The following FARP1 variants were observed in gnomAD, a reference collection of about 807,000 sequenced individuals.
FARP1 encodes the protein FERM, ARH/RhoGEF and pleckstrin domain protein 1, also known as FERM, ARHGEF and pleckstrin domain-containing protein 1.
Under a neutral mutation model 128.8 loss-of-function variants are expected in FARP1, and 52 were observed. That is an observed-to-expected ratio of 0.40 (90% confidence interval 0.32 to 0.51). FARP1 has a LOEUF of 0.51. Among genes scored for constraint, FARP1 ranks in the 20% least tolerant of loss-of-function variants. FARP1 has a pLI of 0.45. For synonymous variants in FARP1, 580 were observed against 551.8 expected, an observed-to-expected ratio of 1.05 and a Z score of -0.72; for missense variants, 1,333 against 1,367.9, an observed-to-expected ratio of 0.97 and a Z score of 0.40.
intron 2 of FARP1, among the ~76,000 whole-genome samples, chr13:98,255,727 AC>A (rs1342148876): frequency 1.3e-5 from 2 of 152,196 alleles, no homozygotes; most frequent in African/African-American, 4.8e-5. Context: ...CTAAGATCAT[AC>A]CTTCAACTTT....
intron 24 of FARP1, among the ~76,000 whole-genome samples, chr13:98,441,795 G>A (rs2139128207): frequency 6.6e-6 from 1 of 152,300 alleles, no homozygotes; most frequent in East Asian, 1.9e-4. Context: ...GAGGAAAGGG[G>A]CGAGGCAGGA....
At chr13:98,448,138 G>A (rs554602895) in intron 26 of FARP1, 98 bp from the exon 27 acceptor site, 27 of 992,322 alleles carry the variant, frequency 2.7e-5, no homozygotes, top group African/African-American at 1.3e-4. Context: ...CCAACCAGGC[G>A]GCCTGACTTC....
rs1876301018 is a variant in FARP1 at position 98,153,764 on chromosome 13, A to G, written c.-24+10272A>G. 2.0e-5 allele frequency among the ~76,000 whole-genome samples: 3 copies of G among 151,274 alleles called. No homozygotes were observed. The Admixed American group carries it at 2.0e-4, about 10-fold the overall frequency. The stretch of plus-strand genomic sequence containing the variant: ...TTTTTAGTAGAGACGGGCTTTCATC[A>G]TGTTGGCCAGGCTGGTTTCAACTCC... On this transcript the variant is annotated intron_variant, in intron 1 of 26. Coordinates refer to ENST00000319562, the MANE Select transcript of FARP1 (RefSeq NM_005766.4).
intron 2 of FARP1, among the ~76,000 whole-genome samples, chr13:98,225,954 T>A (rs1335193058): frequency 2.6e-5 from 4 of 152,190 alleles, no homozygotes; most frequent in Non-Finnish European, 5.9e-5. Context: ...TGGTTGGAAG[T>A]CCCTGCTGGC....
At chr13:98,439,253 C>A in intron 21 of FARP1, 57 bp downstream of exon 21, 1 of 1,199,044 alleles carries the variant, frequency 8.3e-7, no homozygotes, top group Non-Finnish European at 1.2e-6. Context: ...CAGGTGCGGG[C>A]GCTGCTGACC....
chr13:98,447,008 TC>T, intron 26 of FARP1, 191 bp downstream of exon 26: 1 of 596,882 alleles, frequency 1.7e-6, no homozygotes, highest in South Asian at 2.0e-5. Flanking sequence ...GGTCCCAACT[TC>T]CCTGCGCCCT....
intron 5 of FARP1, among the ~76,000 whole-genome samples, chr13:98,369,110 A>G (rs1889221715): frequency 6.6e-6 from 1 of 151,958 alleles, no homozygotes; most frequent in Non-Finnish European, 1.5e-5. Context: ...TTTTTAGTAG[A>G]GACAGCATTT....
intron 2 of FARP1, among the ~76,000 whole-genome samples, chr13:98,339,149 A>G (rs1282493096): frequency 6.6e-6 from 1 of 152,228 alleles, no homozygotes; most frequent in Non-Finnish European, 1.5e-5. Context: ...AGTGCTATAA[A>G]GAACCACCTG....
At chr13:98,177,699 T>C (rs1878195543) in intron 1 of FARP1, 2 of 142,662 alleles carry the variant, frequency 1.4e-5, no homozygotes, top group African/African-American at 5.1e-5. Flanking sequence ...CTTCCCTCCC[T>C]TGACCTGCCT....
At chr13:98,447,017 C>T (rs1892888208) in intron 26 of FARP1, 200 bp downstream of exon 26, 2 of 576,338 alleles carry the variant, frequency 3.5e-6, no homozygotes, top group Non-Finnish European at 6.2e-6. Flanking sequence ...TTCCCTGCGC[C>T]CTTACCCTGC....
At chr13:98,308,730 G>A (rs754377967) in intron 2 of FARP1, among the ~76,000 whole-genome samples, 6 of 152,146 alleles carry the variant, frequency 3.9e-5, no homozygotes, top group East Asian at 1.9e-4. Flanking sequence ...GTGCAGAGGC[G>A]CAGTCTTGGC....
Position 98,232,069 on chromosome 13 carries a change from A to G in FARP1, c.171+18656A>G, listed in dbSNP as rs189643675. Among the ~76,000 whole-genome samples, 93 of 148,638 alleles carry G rather than the reference A, an allele frequency of 6.3e-4. 1 individual carries two copies. The East Asian group carries it at 0.018, about 29-fold the overall frequency. On this transcript the variant is annotated intron_variant, in intron 2 of 26. Coordinates refer to ENST00000319562, the MANE Select transcript of FARP1 (RefSeq NM_005766.4). ...GGTCTTGAACTTCTGACCTCAGGCG[A>G]TCTGCCCACTTTGGCCTCCCAAAGT...
intron 2 of FARP1, chr13:98,244,861 C>G: frequency 6.9e-7 from 1 of 1,444,150 alleles, no homozygotes; most frequent in South Asian, 1.5e-5. Context: ...ATCTCAGATA[C>G]GTGAAGCTGC....
intron 16 of FARP1, among the ~76,000 whole-genome samples, chr13:98,423,235 C>T (rs528059838): frequency 2.6e-5 from 4 of 152,320 alleles, no homozygotes; most frequent in Admixed American, 2.0e-4. Flanking sequence ...CTTTTGGCAA[C>T]ACCATCACAG....
At chr13:98,295,633 G>A (rs1444280944) in intron 2 of FARP1, among the ~76,000 whole-genome samples, 1 of 152,118 alleles carries the variant, frequency 6.6e-6, no homozygotes, top group Non-Finnish European at 1.5e-5. Flanking sequence ...GTTCCATAAA[G>A]CATCACCATC....
chr13:98,202,165 G>A (rs553220374), intron 1 of FARP1, among the ~76,000 whole-genome samples: 36 of 152,302 alleles, frequency 2.4e-4, no homozygotes, highest in African/African-American at 7.9e-4. Flanking sequence ...AGCCTCCCCT[G>A]GGGCCAGCTC....
At position 98,446,661 on chromosome 13, in the gene FARP1, T is replaced by TC; in HGVS notation, c.2905-3dup. ...AAGCCACTTTGCTTTGTTTCCCCTT[T>TC]CCAGGACAATCATCCCCTTGCCAGC... On this transcript the variant is annotated splice_region_variant and splice_polypyrimidine_tract_variant and intron_variant, in intron 25 of 26. Transcript: ENST00000319562. 6.2e-7 allele frequency: 1 copy of TC among 1,613,970 alleles called. No homozygotes were observed. Among genetic ancestry groups the TC allele is most frequent in the South Asian group, 1.1e-5 (1 of 91,068 alleles).
At chr13:98,209,209 C>T (rs953367503) in intron 1 of FARP1, among the ~76,000 whole-genome samples, 13 of 152,100 alleles carry the variant, frequency 8.5e-5, no homozygotes, top group African/African-American at 2.4e-4. Flanking sequence ...AGGGTTTCGC[C>T]GTGTTGTCCA....
chr13:98,293,786 G>A (rs572943884), intron 2 of FARP1, among the ~76,000 whole-genome samples: 19 of 152,312 alleles, frequency 1.2e-4, no homozygotes, highest in Middle Eastern at 3.4e-3. Flanking sequence ...AGTGGAGAGG[G>A]TGCGGCCTCC....
Sources: gnomAD v4.1 joint callset for allele counts (sites outside exome capture counted in the v4.1 genomes callset) on GRCh38, gnomAD v4.1.1 for gene constraint, MANE v1.5 for transcripts, NCBI Gene and HGNC (gene_info 2026-07-23, HGNC 2026-07-21) for gene names.